The following RYR2 variants were observed in gnomAD, a reference collection of about 807,000 sequenced individuals.
RYR2 encodes the protein ryanodine receptor 2, also known as cardiac muscle ryanodine receptor-calcium release channel.
In RYR2, 227 loss-of-function variants were observed where a neutral mutation model predicts 601.1. The observed-to-expected ratio is 0.38, with a 90% CI of 0.34 to 0.42. The LOEUF is 0.42. Among genes scored for constraint, RYR2 ranks in the 10% least tolerant of loss-of-function variants. The probability of loss-of-function intolerance (pLI) is 1.00; values close to 1 mark genes in which losing one functional copy is unlikely to be tolerated. For missense variants in RYR2, 4,646 were observed against 6,156.5 expected (o/e 0.75, Z 8.21); for synonymous variants, 2,223 against 2,175.1 (o/e 1.02, Z -0.61).
intron 1 of RYR2, among the ~76,000 whole-genome samples, chr1:237,048,567 C>A (rs892087844): frequency 6.6e-6 from 1 of 152,132 alleles, no homozygotes; most frequent in African/African-American, 2.4e-5. Context: ...CTTTTATGAT[C>A]TGCCCCTTGA....
intron 100 of RYR2, among the ~76,000 whole-genome samples, chr1:237,816,611 C>T (rs546586663): frequency 2.0e-4 from 31 of 151,938 alleles, no homozygotes; most frequent in African/African-American, 7.2e-4. Context: ...ATCGCTTGAA[C>T]CCAGGAGGCG....
chr1:237,433,177 T>C (rs1707002194), intron 12 of RYR2, among the ~76,000 whole-genome samples: 1 of 152,066 alleles, frequency 6.6e-6, no homozygotes, highest in African/African-American at 2.4e-5. Context: ...AGCTACAAGG[T>C]ACAGAAAAAA....
intron 1 of RYR2, among the ~76,000 whole-genome samples, chr1:237,092,293 C>T (rs1403802889): frequency 2.0e-5 from 3 of 152,136 alleles, no homozygotes; most frequent in African/African-American, 2.4e-5. Flanking sequence ...TCCTTAGGTA[C>T]GCTCCAGATG....
rs540692454 is a variant in RYR2, at chr1:237,219,798, G to T, written c.49-50699G>T. 1.4e-4 allele frequency among the ~76,000 whole-genome samples: 22 copies of T among 152,296 alleles called. No individual in the cohort carries two copies. In the South Asian group the frequency reaches 3.1e-3, roughly 22 times the overall value. On this transcript the variant is annotated intron_variant, in intron 1 of 104. Coordinates refer to ENST00000366574, the MANE Select transcript of RYR2 (RefSeq NM_001035.3). ...AACAAGAGATTACCATAAATTTGAA[G>T]AAGTGTGAAACCAGGTACCACAGCC...
At chr1:237,171,644 CAAAA>C (rs1227844989) in intron 1 of RYR2, among the ~76,000 whole-genome samples, 2 of 152,266 alleles carry the variant, frequency 1.3e-5, no homozygotes, top group Admixed American at 1.3e-4. Context: ...TAGAAACAAA[CAAAA>C]ATCTCTGAGA....
intron 90 of RYR2, 147 bp downstream of exon 90, chr1:237,785,119 AAGTT>A: frequency 1.5e-6 from 1 of 680,792 alleles, no homozygotes; most frequent in Non-Finnish European, 2.6e-6. Flanking sequence ...TTGGTAGACA[AAGTT>A]AGTGTTTTTA....
chr1:237,550,674 C>T lies in RYR2; in HGVS notation c.3197C>T (p.Ala1066Val). ...TLLGYGYNLEAPDQDHAARAE... is the reference protein window; with the variant it reads ...TLLGYGYNLEVPDQDHAARAE... ...CTGGGGTACGGCTACAACTTGGAAGCACCAGATCAAGATCATGGTATTTTG... is the reference window on the plus strand; with the variant it reads ...CTGGGGTACGGCTACAACTTGGAAGTACCAGATCAAGATCATGGTATTTTG... Residue 1066 changes from alanine (A) to valine (V), a missense_variant, in exon 27 of 105, where the codon GCA becomes GTA. By Grantham distance (64) the Ala-to-Val change is moderately conservative. Transcript: ENST00000366574. 4 of 1,558,484 alleles carry T rather than the reference C, an allele frequency of 2.6e-6. No homozygotes were observed. Among genetic ancestry groups the T allele is most frequent in the Non-Finnish European group, 3.5e-6 (4 of 1,151,084 alleles).
intron 33 of RYR2, among the ~76,000 whole-genome samples, chr1:237,595,206 G>T (rs1355615116): frequency 6.6e-6 from 1 of 152,094 alleles, no homozygotes; most frequent in Non-Finnish European, 1.5e-5. Context: ...AAAAGGTCTA[G>T]TTTGGTTTGA....
At chr1:237,179,211 A>C (rs1678421013) in intron 1 of RYR2, among the ~76,000 whole-genome samples, 1 of 151,100 alleles carries the variant, frequency 6.6e-6, no homozygotes, top group Admixed American at 6.6e-5. Context: ...ATGTTGTTTC[A>C]GTCATCTTCA....
Position 237,665,203 on chromosome 1 carries a change from A to G in RYR2, c.8437-1309A>G, listed in dbSNP as rs548430865. On this transcript the variant is annotated intron_variant, in intron 56 of 104. Coordinates refer to ENST00000366574, the MANE Select transcript of RYR2 (RefSeq NM_001035.3). Reference sequence around the variant, plus strand: ...ATCACAAGGTCAGGAGTTTGAGACCATCCTGCCCAATATGGTGAAACCCCG... The same window carrying G: ...ATCACAAGGTCAGGAGTTTGAGACCGTCCTGCCCAATATGGTGAAACCCCG... Among the ~76,000 whole-genome samples the G allele has an allele frequency of 4.6e-5, 7 of 152,142 alleles. 1 individual carries two copies. In the East Asian group the frequency reaches 1.4e-3, roughly 30 times the overall value.
At chr1:237,758,038 G>A (rs1488532323) in intron 82 of RYR2, among the ~76,000 whole-genome samples, 2 of 152,148 alleles carry the variant, frequency 1.3e-5, no homozygotes, top group African/African-American at 2.4e-5. Context: ...GCTGAGGTAT[G>A]AACCACTCTC....
intron 71 of RYR2, among the ~76,000 whole-genome samples, chr1:237,715,695 A>G (rs1689212923): frequency 6.6e-6 from 1 of 152,168 alleles, no homozygotes. Flanking sequence ...CTCCAAACCA[A>G]TACAATTTAG....
intron 1 of RYR2, among the ~76,000 whole-genome samples, chr1:237,066,723 G>C (rs1398670078): frequency 6.6e-6 from 1 of 151,258 alleles, no homozygotes; most frequent in African/African-American, 2.4e-5. Flanking sequence ...CTCACTGCAA[G>C]CTCCACCTCC....
chr1:237,235,193 A>G (rs1685437777), intron 1 of RYR2, among the ~76,000 whole-genome samples: 1 of 152,242 alleles, frequency 6.6e-6, no homozygotes, highest in Admixed American at 6.5e-5. Flanking sequence ...ATTCTAAAGC[A>G]CTGTGATTTA....
chr1:237,482,563 C>T (rs1558894928), intron 17 of RYR2, among the ~76,000 whole-genome samples: 1 of 152,102 alleles, frequency 6.6e-6, no homozygotes, highest in Non-Finnish European at 1.5e-5. Flanking sequence ...AATAGTACTC[C>T]ATTGTGTGTA....
In RYR2 at chr1:237,595,650, A is replaced by G; in HGVS notation, c.4589A>G (p.Tyr1530Cys). The G allele has an allele frequency of 6.2e-7, 1 of 1,611,458 alleles. No individual in the cohort carries two copies. The highest frequency in any genetic ancestry group is 8.5e-7 in the Non-Finnish European group (1 of 1,179,036). ...FIANGKELST[Y>C]YQVEPSTKLF... ...GCCAATGGCAAGGAACTGAGCACATACTATCAGGTACGCGGTCAGTGATGA... is the reference window on the plus strand; with the variant it reads ...GCCAATGGCAAGGAACTGAGCACATGCTATCAGGTACGCGGTCAGTGATGA... Residue 1530 changes from tyrosine (Y) to cysteine (C), a missense_variant, in exon 34 of 105, where the codon TAC (tyrosine) becomes TGC (cysteine). Around this residue, in one of 17 missense-constraint regions of RYR2, gnomAD observed 1,807 missense variants for 2,088.1 expected, o/e 0.87. Coordinates refer to ENST00000366574, the MANE Select transcript of RYR2 (RefSeq NM_001035.3).
chr1:237,125,453 C>T (rs993242044), intron 1 of RYR2, among the ~76,000 whole-genome samples: 5 of 150,728 alleles, frequency 3.3e-5, no homozygotes, highest in African/African-American at 1.2e-4. Flanking sequence ...ACTTATAGAT[C>T]CTTACTGCTT....
At chr1:237,091,062 GGTGAAGGAGT>G (rs1666899249) in intron 1 of RYR2, among the ~76,000 whole-genome samples, 1 of 152,194 alleles carries the variant, frequency 6.6e-6, no homozygotes, top group Non-Finnish European at 1.5e-5. Flanking sequence ...AGCTTGGTTT[GGTGAAGGAGT>G]GTTACTATTC....
intron 8 of RYR2, among the ~76,000 whole-genome samples, chr1:237,380,766 C>A (rs559497191): frequency 6.6e-6 from 1 of 151,768 alleles, no homozygotes; most frequent in South Asian, 2.1e-4. Context: ...AAAAGCAAGA[C>A]CCTGTCTCTA....
Sources: allele counts gnomAD v4.1 joint callset (sites outside exome capture counted in the v4.1 genomes callset), GRCh38; gene constraint gnomAD v4.1.1; regional missense constraint gnomAD v4.1.1; transcripts MANE v1.5; gene names NCBI Gene and HGNC (gene_info 2026-07-23, HGNC 2026-07-21).